SND1: variants seen among roughly 807,000 people sequenced by gnomAD.
The protein encoded by SND1 is staphylococcal nuclease domain-containing protein 1.
In SND1, 38 loss-of-function variants were observed where a neutral mutation model predicts 121.7. The ratio of observed to expected loss-of-function variants is 0.31; its 90% confidence interval spans 0.24 to 0.41. The LOEUF (loss-of-function observed/expected upper bound fraction) is 0.41, where lower values mean the gene tolerates loss of function less well. Ranked by LOEUF, SND1 falls within the 10% of genes least tolerant of loss-of-function variation. The pLI, the probability that SND1 is intolerant of heterozygous loss-of-function variation, is 1.00. For synonymous variants in SND1, 401 were observed against 447.4 expected (o/e 0.90, Z 1.31); for missense variants, 868 against 1,184.6 (o/e 0.73, Z 3.92).
chr7:128,026,795 C>G (rs1803489528), intron 16 of SND1, among the ~76,000 whole-genome samples: 1 of 152,164 alleles, frequency 6.6e-6, no homozygotes, highest in East Asian at 1.9e-4. Context: ...CCCTGCTTTT[C>G]CAGGGCATAG....
intron 16 of SND1, among the ~76,000 whole-genome samples, chr7:128,050,640 T>G (rs1292563930): frequency 6.6e-6 from 1 of 152,178 alleles, no homozygotes; most frequent in Non-Finnish European, 1.5e-5. Flanking sequence ...TTCTGGCTGA[T>G]TTTTTTGGTC....
rs1792501927 is a variant in SND1 at position 128,029,284 on chromosome 7, A to G, written c.1779+38228A>G. The stretch of plus-strand genomic sequence containing the variant: ...GTCTCCACTGTTACTGTGGTGAAGA[A>G]GCTGTAGTTGGAGGTGTTAAGCTCA... On this transcript the variant is annotated intron_variant, in intron 16 of 23. Transcript: ENST00000354725. The surrounding 1 kb of genome is among the most constrained non-coding windows in gnomAD (Gnocchi z 4.2). The G allele has an allele frequency of 6.2e-7, 1 of 1,614,160 alleles. No individual in the cohort carries two copies.
rs551382819 is a variant in SND1, at chr7:127,907,438, G to A, written c.1527+2619G>A. On this transcript the variant is annotated intron_variant, in intron 14 of 23. Coordinates refer to ENST00000354725, the MANE Select transcript of SND1 (RefSeq NM_014390.4). ...AAAAGACAATGTAATGCACATATAC[G>A]TAATGGTTTCACAGAGGTTTCTTAA... Among the ~76,000 whole-genome samples, 57 of 152,298 alleles carry A rather than the reference G, an allele frequency of 3.7e-4. No homozygotes were observed. The South Asian group carries it at 9.3e-3, about 25-fold the overall frequency.
At chr7:127,795,008 T>C (rs932479704) in intron 10 of SND1, among the ~76,000 whole-genome samples, 2 of 152,228 alleles carry the variant, frequency 1.3e-5, no homozygotes, top group African/African-American at 4.8e-5. Flanking sequence ...TCTTTCTCTC[T>C]GCTCATTTTC....
At chr7:127,886,167 G>A (rs1306748819) in intron 12 of SND1, among the ~76,000 whole-genome samples, 1 of 152,070 alleles carries the variant, frequency 6.6e-6, no homozygotes, top group Non-Finnish European at 1.5e-5. Flanking sequence ...TTTGAGAAGT[G>A]CTAATTCCGT....
intron 10 of SND1, among the ~76,000 whole-genome samples, chr7:127,773,557 G>A (rs574825784): frequency 2.4e-4 from 37 of 152,184 alleles, no homozygotes; most frequent in Non-Finnish European, 4.7e-4. Flanking sequence ...AAAAGAAAAG[G>A]AAACTATTTT....
chr7:127,663,825 C>T (rs1167773477), intron 1 of SND1, among the ~76,000 whole-genome samples: 1 of 152,150 alleles, frequency 6.6e-6, no homozygotes, highest in Non-Finnish European at 1.5e-5. Context: ...AAATTTTTGA[C>T]TTCCTAAAGT....
intron 1 of SND1, among the ~76,000 whole-genome samples, chr7:127,671,393 C>T (rs1417211937): frequency 6.6e-6 from 1 of 152,236 alleles, no homozygotes; most frequent in African/African-American, 2.4e-5. Context: ...GTTGCAAACA[C>T]TGTGAATCTA....
chr7:127,691,717 A>G (rs1190985211), intron 2 of SND1, among the ~76,000 whole-genome samples: 2 of 151,188 alleles, frequency 1.3e-5, no homozygotes, highest in African/African-American at 2.4e-5. Flanking sequence ...GGTTCAAGCA[A>G]TTCTCCTGTC....
chr7:127,809,879 G>T (rs2116580723), intron 11 of SND1, among the ~76,000 whole-genome samples: 1 of 152,248 alleles, frequency 6.6e-6, no homozygotes, highest in Admixed American at 6.5e-5. Flanking sequence ...TTTAATTCTG[G>T]ATTAATGCCT....
At chr7:127,993,300 T>TC (rs1295252803) in intron 16 of SND1, among the ~76,000 whole-genome samples, 1 of 152,214 alleles carries the variant, frequency 6.6e-6, no homozygotes, top group East Asian at 1.9e-4. Context: ...ATGTAGTACC[T>TC]CCATTTTTAT....
At chr7:127,841,305 A>T (rs562566618) in intron 11 of SND1, among the ~76,000 whole-genome samples, 10 of 152,088 alleles carry the variant, frequency 6.6e-5, no homozygotes, top group Non-Finnish European at 1.5e-4. Flanking sequence ...TTCCCTAGGT[A>T]GTAGAATTGA....
chr7:128,027,374 C>T (rs1430630693), intron 16 of SND1: 1 of 151,318 alleles, frequency 6.6e-6, no homozygotes, highest in Non-Finnish European at 1.5e-5. Context: ...CCATGTGGAA[C>T]TCCATGTGTG....
At position 127,967,126 on chromosome 7, in the gene SND1, G is replaced by C. The variant is rs1801870654; in HGVS notation, c.1670-23821G>C. ...GTCAGTCACCCTCGGTTTCCCCCAT[G>C]CTCCCAGTGGGTGTTGCACAGTCAT... is the stretch of plus-strand genomic sequence containing the variant. On this transcript the variant is annotated intron_variant, in intron 15 of 23. Transcript: ENST00000354725. 2.0e-5 allele frequency among the ~76,000 whole-genome samples: 3 copies of C among 152,266 alleles called. No individual in the cohort carries two copies. In the South Asian group the frequency reaches 6.2e-4, roughly 32 times the overall value.
chr7:127,926,450 G>A (rs1020823104), intron 14 of SND1, among the ~76,000 whole-genome samples: 4 of 151,934 alleles, frequency 2.6e-5, no homozygotes, highest in African/African-American at 7.3e-5. Flanking sequence ...AAGAATATGG[G>A]GAACTCCATG....
intron 16 of SND1, among the ~76,000 whole-genome samples, chr7:128,011,029 A>G (rs1247965343): frequency 6.6e-6 from 1 of 152,104 alleles, no homozygotes; most frequent in Non-Finnish European, 1.5e-5. Flanking sequence ...TTAATGAAAT[A>G]AATAAGTAAA....
At chr7:128,087,112 C>A in intron 21 of SND1, 61 bp downstream of exon 21, 1 of 1,293,422 alleles carries the variant, frequency 7.7e-7, no homozygotes, top group Non-Finnish European at 1.1e-6. Context: ...GCCGCTGCAG[C>A]AGCCCTCATG....
intron 10 of SND1, among the ~76,000 whole-genome samples, chr7:127,792,526 G>A (rs368337361): frequency 2.0e-4 from 31 of 152,230 alleles, no homozygotes; most frequent in African/African-American, 7.5e-4. Flanking sequence ...GAACCCTAAG[G>A]GTAGCATGGA....
At chr7:127,835,913 A>T (rs189188611) in intron 11 of SND1, among the ~76,000 whole-genome samples, 1 of 152,096 alleles carries the variant, frequency 6.6e-6, no homozygotes, top group Non-Finnish European at 1.5e-5. Context: ...TCATTTTATT[A>T]TGTTTGTTTT....
Sources: gnomAD v4.1 joint callset for allele counts (sites outside exome capture counted in the v4.1 genomes callset) on GRCh38, gnomAD v4.1.1 for gene constraint, Gnocchi (gnomAD v3.1) non-coding constraint, MANE v1.5 for transcripts, NCBI Gene and HGNC (gene_info 2026-07-23, HGNC 2026-07-21) for gene names.